Variants in ARHGEF28 observed in about 807,000 individuals in gnomAD.
ARHGEF28 encodes the protein Rho guanine nucleotide exchange factor 28.
A neutral mutation model predicts 206.6 loss-of-function variants in ARHGEF28; 152 were observed. The observed-to-expected ratio is 0.74, with a 90% CI of 0.64 to 0.84. ARHGEF28 has a LOEUF of 0.84. ARHGEF28 is among the 40% of genes least tolerant of loss of function. The pLI, the probability that ARHGEF28 is intolerant of heterozygous loss-of-function variation, is 0.00. For synonymous variants in ARHGEF28, 763 were observed against 776.4 expected (o/e 0.98, Z 0.29); for missense variants, 2,028 against 2,073.2 (o/e 0.98, Z 0.42).
chr5:73,805,527 T>C (rs890904858), intron 9 of ARHGEF28, among the ~76,000 whole-genome samples: 1 of 152,188 alleles, frequency 6.6e-6, no homozygotes, highest in Non-Finnish European at 1.5e-5. Flanking sequence ...ACAGTTTTTC[T>C]CGCAGGCAAA....
intron 1 of ARHGEF28, among the ~76,000 whole-genome samples, chr5:73,660,916 A>C (rs1246405758): frequency 4.6e-5 from 7 of 152,188 alleles, no homozygotes; most frequent in Non-Finnish European, 5.9e-5. Context: ...TAAGGGCCCT[A>C]GGACTTTTGG....
intron 30 of ARHGEF28, 21 bp from the exon 31 acceptor site, chr5:73,901,163 G>C: frequency 6.2e-7 from 1 of 1,605,696 alleles, no homozygotes; most frequent in Non-Finnish European, 8.5e-7. Flanking sequence ...TTTTGTTTCT[G>C]TCTCGATGGC....
rs761800773 is a variant in ARHGEF28, at chr5:73,846,321, C to T, written c.1481C>T (p.Pro494Leu). The change falls in exon 12 of 36, where the codon CCA (proline) becomes CTA (leucine). Residue 494 changes from proline to leucine, a missense_variant. Coordinates refer to ENST00000513042, the MANE Select transcript of ARHGEF28 (RefSeq NM_001177693.2). Reference sequence around the variant, plus strand: ...AGTGAAGGGGAAGGGCATTCTGAGCCATCCCACATCTGTTACACTCCAGGG... The same window carrying T: ...AGTGAAGGGGAAGGGCATTCTGAGCTATCCCACATCTGTTACACTCCAGGG... ...ADSEGEGHSEPSHICYTPGSQ... is the reference protein window; with the variant it reads ...ADSEGEGHSELSHICYTPGSQ... 3.1e-6 allele frequency: 5 copies of T among 1,613,696 alleles called. No individual in the cohort carries two copies. In the Admixed American group the frequency reaches 5.0e-5, roughly 16 times the overall value.
rs566960308 is a variant in ARHGEF28, at chr5:73,648,577, AG to A, written c.-12+22258del. On this transcript the variant is annotated intron_variant, in intron 1 of 35. Coordinates refer to ENST00000513042, the MANE Select transcript of ARHGEF28 (RefSeq NM_001177693.2). The stretch of plus-strand genomic sequence containing the variant: ...TGCAGATTCTCATTAAATGAAATGG[AG>A]GGCTGAATGTTCCCTAAACAAGGTA... Among the ~76,000 whole-genome samples, 13 of 152,338 alleles carry A rather than the reference AG, an allele frequency of 8.5e-5. No homozygotes were observed. The South Asian group carries it at 2.3e-3, about 27-fold the overall frequency.
intron 1 of ARHGEF28, among the ~76,000 whole-genome samples, chr5:73,630,766 A>G (rs1012281600): frequency 1.3e-5 from 2 of 152,194 alleles, no homozygotes; most frequent in African/African-American, 4.8e-5. Context: ...ATGACCTCTA[A>G]GAGCAACCCA....
At chr5:73,644,969 G>A (rs754464217) in intron 1 of ARHGEF28, among the ~76,000 whole-genome samples, 14 of 151,962 alleles carry the variant, frequency 9.2e-5, no homozygotes, top group South Asian at 2.1e-4. Context: ...GTAGTTTTGC[G>A]GAGTTTCTTC....
At chr5:73,831,843 C>T (rs1040349061) in intron 9 of ARHGEF28, among the ~76,000 whole-genome samples, 7 of 152,272 alleles carry the variant, frequency 4.6e-5, no homozygotes, top group African/African-American at 7.2e-5. Flanking sequence ...AGGCATGCGC[C>T]GCCATGCCCA....
intron 7 of ARHGEF28, among the ~76,000 whole-genome samples, chr5:73,783,740 G>A (rs2112466248): frequency 6.6e-6 from 1 of 152,242 alleles, no homozygotes; most frequent in South Asian, 2.1e-4. Flanking sequence ...TGTAGCACTG[G>A]GTGGGATGGG....
Position 73,909,849 on chromosome 5 carries a change from C to CGG in ARHGEF28, c.4600_4601dup (p.Arg1535AlafsTer17), listed in dbSNP as rs1762783253. The CGG allele has an allele frequency of 6.5e-7, 1 of 1,540,422 alleles. No individual in the cohort carries two copies. The highest frequency in any genetic ancestry group is 1.4e-5 in the African/African-American group (1 of 72,620). ...AGAGCCTGCTGGGCCACTGGAAGCA[C>CGG]GGCCGGCAGAGGAGCCTGCCCGCGG... is the stretch of plus-strand genomic sequence containing the variant. On this transcript the variant is annotated frameshift_variant, in exon 34 of 36. Coordinates refer to ENST00000513042, the MANE Select transcript of ARHGEF28 (RefSeq NM_001177693.2). LOFTEE classifies it high-confidence loss of function.
At chr5:73,931,695 G>A (rs1764131135) in intron 35 of ARHGEF28, among the ~76,000 whole-genome samples, 1 of 152,172 alleles carries the variant, frequency 6.6e-6, no homozygotes, top group South Asian at 2.1e-4. Flanking sequence ...TGGCTGAAAT[G>A]TCTCTTAAAT....
intron 2 of ARHGEF28, 109 bp downstream of exon 2, chr5:73,684,993 T>C (rs989408040): frequency 1.7e-6 from 2 of 1,145,130 alleles, no homozygotes; most frequent in African/African-American, 3.1e-5. Flanking sequence ...TAAGGCTTTT[T>C]AAAAACAACA....
chr5:73,665,521 C>A (rs775717708), intron 1 of ARHGEF28, among the ~76,000 whole-genome samples: 23 of 152,190 alleles, frequency 1.5e-4, no homozygotes, highest in East Asian at 1.9e-4. Flanking sequence ...TTGTGCTGCT[C>A]TAATGGAGTA....
Position 73,894,474 on chromosome 5 carries a change from G to A in ARHGEF28, c.3740G>A (p.Ser1247Asn), listed in dbSNP as rs1761838746. The stretch of plus-strand genomic sequence containing the variant: ...ATCTATGCTGAACTTGGAGAACTGA[G>A]CGGATTTGAGGACGTCCATCTAGAG... ...LHIYAELGELSGFEDVHLEPH... is the reference protein window; with the variant it reads ...LHIYAELGELNGFEDVHLEPH... Residue 1247 changes from serine to asparagine, a missense_variant, in exon 29 of 36, where the codon AGC (serine) becomes AAC (asparagine). Transcript: ENST00000513042. 6.2e-7 allele frequency: 1 copy of A among 1,613,824 alleles called. No homozygotes were observed. Among genetic ancestry groups the A allele is most frequent in the South Asian group, 1.1e-5 (1 of 91,054 alleles).
intron 4 of ARHGEF28, among the ~76,000 whole-genome samples, chr5:73,761,524 A>G (rs1752600035): frequency 6.6e-6 from 1 of 152,182 alleles, no homozygotes; most frequent in Non-Finnish European, 1.5e-5. Context: ...GTCCTGTTCC[A>G]AAGTCCCCCT....
intron 22 of ARHGEF28, among the ~76,000 whole-genome samples, chr5:73,876,634 T>C (rs1361266755): frequency 8.0e-5 from 12 of 149,266 alleles, no homozygotes; most frequent in Non-Finnish European, 1.6e-4. Context: ...GCATGAAGGG[T>C]TGTTGAATTT....
chr5:73,848,845 A>G, intron 12 of ARHGEF28, 131 bp from the exon 13 acceptor site: 1 of 671,874 alleles, frequency 1.5e-6, no homozygotes. Flanking sequence ...GAAACACATA[A>G]TGAGATCATA....
intron 2 of ARHGEF28, among the ~76,000 whole-genome samples, chr5:73,729,062 A>G (rs910681256): frequency 6.6e-6 from 1 of 152,212 alleles, no homozygotes; most frequent in Non-Finnish European, 1.5e-5. Flanking sequence ...CTTGGCTTCA[A>G]GGGATTTCAA....
At chr5:73,720,064 A>G (rs540789260) in intron 2 of ARHGEF28, among the ~76,000 whole-genome samples, 1 of 152,404 alleles carries the variant, frequency 6.6e-6, no homozygotes, top group Admixed American at 6.5e-5. Context: ...TAGTAAAAAT[A>G]AAAAATGAGT....
Position 73,773,751 on chromosome 5 carries a change from C to T in ARHGEF28, c.476-104C>T. 3 of 1,145,336 alleles carry T rather than the reference C, an allele frequency of 2.6e-6. No individual in the cohort carries two copies. In the South Asian group the frequency reaches 5.6e-5, roughly 21 times the overall value. The allele number at this position is 1,145,336 out of a possible 1,614,324, so 70.9% of individuals were successfully genotyped here. The stretch of plus-strand genomic sequence containing the variant: ...GTGCCATTGTTAATTTCTTCCAACT[C>T]TGACATTCTTATTATGTCTAAATAC... On this transcript the variant is annotated intron_variant, in intron 4 of 35. Coordinates refer to ENST00000513042, the MANE Select transcript of ARHGEF28 (RefSeq NM_001177693.2).
Sources: allele counts gnomAD v4.1 joint callset (sites outside exome capture counted in the v4.1 genomes callset), GRCh38; gene constraint gnomAD v4.1.1; transcripts MANE v1.5; gene names NCBI Gene and HGNC (gene_info 2026-07-23, HGNC 2026-07-21).